Variants in TCF12 observed in about 807,000 individuals in gnomAD.
TCF12 encodes the protein DNA-binding protein HTF4.
A neutral mutation model predicts 86.0 loss-of-function variants in TCF12; 45 were observed. That is an observed-to-expected ratio of 0.52 (90% confidence interval 0.41 to 0.67). The LOEUF is 0.67. Among genes scored for constraint, TCF12 ranks in the 30% least tolerant of loss-of-function variants. TCF12 has a pLI of 0.00. For missense variants in TCF12, 881 were observed against 859.9 expected, an observed-to-expected ratio of 1.02 and a Z score of -0.31; for synonymous variants, 330 against 299.6, an observed-to-expected ratio of 1.10 and a Z score of -1.05.
chr15:57,165,539 ATT>A (rs200604360), intron 5 of TCF12, among the ~76,000 whole-genome samples: 8 of 144,564 alleles, frequency 5.5e-5, no homozygotes, highest in African/African-American at 2.0e-4. Flanking sequence ...TACTGTATTA[ATT>A]TTTTTTTTTT....
intron 1 of TCF12, 23 bp from the exon 2 acceptor site, chr15:56,919,869 T>G: frequency 6.2e-7 from 1 of 1,609,102 alleles, no homozygotes; most frequent in Non-Finnish European, 8.5e-7. Context: ...GGTCTCTCGC[T>G]GAGCCCGTTT....
At chr15:57,177,608 C>CAGAGAGAGAGAGAGAGAGAGAGAGAT in intron 6 of TCF12, among the ~76,000 whole-genome samples, 1 of 122,962 alleles carries the variant, frequency 8.1e-6, no homozygotes, top group East Asian at 2.3e-4. Flanking sequence ...GTTAAAAGGC[C>CAGAGAGAGAGAGAGAGAGAGAGAGAT]AGAGAGAGAG....
At chr15:57,103,664 A>G (rs1268302173) in intron 5 of TCF12, among the ~76,000 whole-genome samples, 3 of 152,368 alleles carry the variant, frequency 2.0e-5, no homozygotes, top group Middle Eastern at 3.4e-3. Context: ...TGCCCCACAC[A>G]GTATTTTATA....
intron 3 of TCF12, among the ~76,000 whole-genome samples, chr15:56,936,135 C>T (rs1283940183): frequency 1.9e-4 from 29 of 151,610 alleles, no homozygotes; most frequent in East Asian, 1.9e-4. Flanking sequence ...CCATTTTTAC[C>T]GCATCTATTA....
chr15:56,934,336 G>T (rs1004181732), intron 3 of TCF12, among the ~76,000 whole-genome samples: 2 of 152,154 alleles, frequency 1.3e-5, no homozygotes, highest in Non-Finnish European at 2.9e-5. Context: ...AAGAGTTAAC[G>T]TTTTAAAGAG....
At chr15:57,088,579 C>T (rs1274597648) in intron 4 of TCF12, among the ~76,000 whole-genome samples, 1 of 149,132 alleles carries the variant, frequency 6.7e-6, no homozygotes, top group African/African-American at 2.5e-5. Flanking sequence ...AATATGGTTT[C>T]AGTGGGGGGT....
chr15:57,035,955 C>G (rs1358615156), intron 3 of TCF12, among the ~76,000 whole-genome samples: 1 of 152,144 alleles, frequency 6.6e-6, no homozygotes, highest in Non-Finnish European at 1.5e-5. Flanking sequence ...GTGAACTGTA[C>G]GTGTGGGGGG....
chr15:56,963,837 T>G (rs1167737657), intron 3 of TCF12, among the ~76,000 whole-genome samples: 1 of 152,132 alleles, frequency 6.6e-6, no homozygotes, highest in African/African-American at 2.4e-5. Context: ...ATTGGGGAGA[T>G]TGGGCAGCGT....
chr15:57,036,853 A>C (rs1204017752), intron 3 of TCF12, among the ~76,000 whole-genome samples: 1 of 152,106 alleles, frequency 6.6e-6, no homozygotes, highest in Non-Finnish European at 1.5e-5. Flanking sequence ...ATCATCTCTC[A>C]GAAGGACTTT....
Position 57,197,820 on chromosome 15 carries a change from T to C in TCF12, c.574T>C (p.Ser192Pro). The change falls in exon 8 of 21, where the codon TCT becomes CCT. Residue 192 changes from serine to proline, a missense_variant. Transcript: ENST00000333725. ...KVRKVPPGLP[S>P]SVYAPSPNSD... ...CAGAAAGGTGCCTCCTGGTTTGCCT[T>C]CTTCTGTAAGTACCTATCTTTTTTT... is the stretch of plus-strand genomic sequence containing the variant. 6.2e-7 allele frequency: 1 copy of C among 1,614,030 alleles called. No individual in the cohort carries two copies.
At chr15:57,278,752 T>TCTCTCCCTCTCTCTCCCTAC (rs2061534405) in intron 19 of TCF12, 1 of 99,934 alleles carries the variant, frequency 1.0e-5, no homozygotes, top group Admixed American at 1.2e-4. Flanking sequence ...TCCCTCCCTC[T>TCTCTCCCTCTCTCTCCCTAC]CTCTCCCTCT....
intron 3 of TCF12, among the ~76,000 whole-genome samples, chr15:57,047,618 CCTT>C (rs1322564423): frequency 2.0e-5 from 3 of 152,066 alleles, no homozygotes; most frequent in African/African-American, 7.2e-5. Flanking sequence ...GATTTTTCAC[CCTT>C]CTTCTCTATT....
intron 12 of TCF12, among the ~76,000 whole-genome samples, chr15:57,239,369 G>T (rs1380721863): frequency 6.6e-6 from 1 of 151,462 alleles, no homozygotes; most frequent in Non-Finnish European, 1.5e-5. Context: ...CAAAGAGGAA[G>T]AAAAATTAGC....
intron 3 of TCF12, among the ~76,000 whole-genome samples, chr15:57,062,043 A>G (rs549932927): frequency 1.9e-4 from 29 of 151,746 alleles, no homozygotes; most frequent in Non-Finnish European, 3.8e-4. Flanking sequence ...TGCAACCTCC[A>G]CCTTCTAGGT....
intron 6 of TCF12, among the ~76,000 whole-genome samples, chr15:57,166,843 T>A (rs1482836247): frequency 6.6e-6 from 1 of 152,224 alleles, no homozygotes; most frequent in African/African-American, 2.4e-5. Context: ...ATCATTAATA[T>A]TGGAAGTATT....
At chr15:56,960,679 C>T (rs1419134511) in intron 3 of TCF12, among the ~76,000 whole-genome samples, 7 of 151,598 alleles carry the variant, frequency 4.6e-5, no homozygotes, top group Admixed American at 2.0e-4. Context: ...ATCTGCCTGC[C>T]TCGGCTTTCC....
At chr15:56,927,304 C>G (rs1359217465) in intron 3 of TCF12, among the ~76,000 whole-genome samples, 1 of 152,100 alleles carries the variant, frequency 6.6e-6, no homozygotes, top group Non-Finnish European at 1.5e-5. Flanking sequence ...AATACATAGT[C>G]ATAATTGAAA....
At chr15:57,095,210 T>C (rs17819886) in intron 5 of TCF12, among the ~76,000 whole-genome samples, 6,145 of 152,258 alleles carry the variant, frequency 0.04, 369 homozygotes, top group Admixed American at 0.17. Flanking sequence ...TAAAACTGTA[T>C]GAAAAGCTTT....
chr15:56,985,734 T>C (rs1178241498), intron 3 of TCF12, among the ~76,000 whole-genome samples: 1 of 152,184 alleles, frequency 6.6e-6, no homozygotes, highest in African/African-American at 2.4e-5. Flanking sequence ...TAATGATTCT[T>C]TTTAGGACAC....
Sources: gnomAD v4.1 joint callset for allele counts (sites outside exome capture counted in the v4.1 genomes callset) on GRCh38, gnomAD v4.1.1 for gene constraint, MANE v1.5 for transcripts, NCBI Gene and HGNC (gene_info 2026-07-23, HGNC 2026-07-21) for gene names.